ECHDC1: variants seen among roughly 807,000 people sequenced by gnomAD.
The protein encoded by ECHDC1 is ethylmalonyl-CoA decarboxylase 1.
ECHDC1 carries 29 observed loss-of-function variants against 29.7 expected under a neutral mutation model. That is an observed-to-expected ratio of 0.98 (90% CI 0.73 to 1.33). The LOEUF (loss-of-function observed/expected upper bound fraction) is 1.33. Ranked by LOEUF, ECHDC1 falls within the 40% of genes most tolerant of loss-of-function variation. The pLI is 0.00. For missense variants in ECHDC1, 328 were observed against 350.0 expected (o/e 0.94, Z 0.50); for synonymous variants, 126 against 123.1 (o/e 1.02, Z -0.15).
At chr6:127,334,338 TCCA>T (rs989336744) in intron 1 of ECHDC1, among the ~76,000 whole-genome samples, 2 of 152,142 alleles carry the variant, frequency 1.3e-5, no homozygotes, top group Non-Finnish European at 2.9e-5. Flanking sequence ...AGTCTCCTTC[TCCA>T]CCACTATTTG....
chr6:127,313,197 AATTT>A (rs71758926), intron 5 of ECHDC1: 2,367 of 154,048 alleles, frequency 0.015, 39 homozygotes, highest in Middle Eastern at 0.054. Flanking sequence ...TAGCTCAACA[AATTT>A]ATTTATTTAT....
chr6:127,320,320 T>A lies in ECHDC1; in HGVS notation c.364-3818A>T, dbSNP rs375895965. ...GTGTGAGCTACCGTGCTTGGCCGCT[T>A]GTCTGTAAATTAATCAGGGTATGGT... On this transcript the variant is annotated intron_variant, in intron 3 of 5. Coordinates refer to ENST00000454859, the MANE Select transcript of ECHDC1 (RefSeq NM_001002030.2). Among the ~76,000 whole-genome samples, 4 of 152,128 alleles carry A rather than the reference T, an allele frequency of 2.6e-5. No homozygotes were observed. The East Asian group carries it at 5.8e-4, about 22-fold the overall frequency.
rs1437931744 is a variant in ECHDC1, at chr6:127,289,376, T to A, written c.*493A>T. 6.6e-6 allele frequency: 1 copy of A among 152,516 alleles called. No individual in the cohort carries two copies. 9.4% of individuals were successfully genotyped at this position (152,516 alleles called of 1,614,324 possible). On this transcript the variant is annotated 3_prime_UTR_variant, in exon 6 of 6. Transcript: ENST00000454859. Reference sequence around the variant, plus strand: ...TTTTTAAATGAAGGGCCATTTCCCATGAATTTTACTCCAGCTGTTTGGAGC... The same window carrying A: ...TTTTTAAATGAAGGGCCATTTCCCAAGAATTTTACTCCAGCTGTTTGGAGC...
intron 5 of ECHDC1, among the ~76,000 whole-genome samples, chr6:127,302,580 A>G (rs1487506714): frequency 6.6e-6 from 1 of 151,928 alleles, no homozygotes. Flanking sequence ...TTGTATTTTT[A>G]GTAGAGACGG....
intron 5 of ECHDC1, among the ~76,000 whole-genome samples, chr6:127,300,507 C>A (rs982328913): frequency 5.9e-5 from 9 of 152,156 alleles, no homozygotes; most frequent in African/African-American, 1.9e-4. Flanking sequence ...CAGCTGTAGT[C>A]AGAGAAATGC....
At chr6:127,316,964 G>A (rs1189343425) in intron 3 of ECHDC1, among the ~76,000 whole-genome samples, 1 of 152,070 alleles carries the variant, frequency 6.6e-6, no homozygotes, top group Admixed American at 6.6e-5. Context: ...AATTTCCTAA[G>A]AGTAGTCCAA....
chr6:127,299,832 C>G (rs1197411397), intron 5 of ECHDC1, among the ~76,000 whole-genome samples: 1 of 152,084 alleles, frequency 6.6e-6, no homozygotes, highest in African/African-American at 2.4e-5. Context: ...CCATAAATAC[C>G]CTATATGAGC....
chr6:127,315,226 A>C (rs779173194), intron 4 of ECHDC1: 154 of 470,324 alleles, frequency 3.3e-4, no homozygotes, highest in Admixed American at 6.2e-4. Context: ...CAGCTCCTGG[A>C]ACTTCTCAGC....
chr6:127,312,751 A>T (rs192739155), intron 5 of ECHDC1, among the ~76,000 whole-genome samples: 139 of 152,316 alleles, frequency 9.1e-4, no homozygotes, highest in African/African-American at 3.2e-3. Flanking sequence ...AAGCAATAAG[A>T]TGAACAAACC....
chr6:127,317,705 A>G (rs1000829946), intron 3 of ECHDC1, among the ~76,000 whole-genome samples: 1 of 152,188 alleles, frequency 6.6e-6, no homozygotes, highest in African/African-American at 2.4e-5. Context: ...TTTTGGTACT[A>G]TGTTTGACTT....
At chr6:127,326,862 A>G in intron 3 of ECHDC1, 140 bp downstream of exon 3, 1 of 992,664 alleles carries the variant, frequency 1.0e-6, no homozygotes, top group South Asian at 2.0e-5. Flanking sequence ...AATCCTACCA[A>G]AAACAAAACA....
At chr6:127,316,203 G>A in intron 4 of ECHDC1, 1 of 460,346 alleles carries the variant, frequency 2.2e-6, no homozygotes, top group Non-Finnish European at 4.1e-6. Flanking sequence ...AGTTATATAA[G>A]CTCTTTAGGG....
At chr6:127,306,533 T>C (rs1030208734) in intron 5 of ECHDC1, among the ~76,000 whole-genome samples, 1 of 152,164 alleles carries the variant, frequency 6.6e-6, no homozygotes, top group Non-Finnish European at 1.5e-5. Flanking sequence ...TGTTTAAAAG[T>C]GTGTAGTACC....
chr6:127,341,953 A>G (rs2114724579), intron 1 of ECHDC1, among the ~76,000 whole-genome samples: 1 of 152,388 alleles, frequency 6.6e-6, no homozygotes, highest in East Asian at 1.9e-4. Context: ...ACTACCTTTC[A>G]AGGTTCATTA....
intron 5 of ECHDC1, among the ~76,000 whole-genome samples, chr6:127,303,676 A>G (rs1781229523): frequency 6.6e-6 from 1 of 152,242 alleles, no homozygotes; most frequent in Non-Finnish European, 1.5e-5. Context: ...GCAGCAAGTG[A>G]TCCTGAAGAT....
chr6:127,330,481 T>C (rs1783820423), intron 2 of ECHDC1, among the ~76,000 whole-genome samples: 1 of 152,226 alleles, frequency 6.6e-6, no homozygotes, highest in Admixed American at 6.5e-5. Context: ...TCTCCTTGTT[T>C]CCTAGTAGCA....
intron 5 of ECHDC1, among the ~76,000 whole-genome samples, chr6:127,304,621 T>C (rs1781307595): frequency 6.6e-6 from 1 of 152,186 alleles, no homozygotes; most frequent in Non-Finnish European, 1.5e-5. Context: ...TCAAAGTAGC[T>C]GTTTTGACAA....
chr6:127,331,540 A>G (rs1343727333), intron 1 of ECHDC1, among the ~76,000 whole-genome samples: 1 of 152,156 alleles, frequency 6.6e-6, no homozygotes, highest in South Asian at 2.1e-4. Flanking sequence ...TTCACAAAGC[A>G]TATCATTTCA....
intron 5 of ECHDC1, among the ~76,000 whole-genome samples, chr6:127,293,357 A>T (rs1416792824): frequency 6.6e-6 from 1 of 152,192 alleles, no homozygotes; most frequent in African/African-American, 2.4e-5. Flanking sequence ...GGAAATATAA[A>T]TAATTGAATT....
Sources: gnomAD v4.1 joint callset for allele counts (sites outside exome capture counted in the v4.1 genomes callset) on GRCh38, gnomAD v4.1.1 for gene constraint, MANE v1.5 for transcripts, NCBI Gene and HGNC (gene_info 2026-07-23, HGNC 2026-07-21) for gene names.